The following SMARCC2 variants were observed in gnomAD, a reference collection of about 807,000 sequenced individuals.
SMARCC2 encodes the protein SWI/SNF related BAF chromatin remodeling complex subunit C2, also known as SWI/SNF complex subunit SMARCC2.
SMARCC2 carries 15 observed loss-of-function variants against 151.3 expected under a neutral mutation model. The observed-to-expected ratio is 0.10, with a 90% CI of 0.07 to 0.15. The LOEUF (loss-of-function observed/expected upper bound fraction) is 0.15. Among genes scored for constraint, SMARCC2 ranks in the 10% least tolerant of loss-of-function variants. The pLI is 1.00. For synonymous variants in SMARCC2, 590 were observed against 609.5 expected (o/e 0.97, Z 0.47); for missense variants, 1,031 against 1,599.7 (o/e 0.64, Z 6.06).
At chr12:56,180,282 TG>T (rs1422292383) in intron 11 of SMARCC2, among the ~76,000 whole-genome samples, 1 of 151,230 alleles carries the variant, frequency 6.6e-6, no homozygotes, top group Non-Finnish European at 1.5e-5. Context: ...CTAATTTTTT[TG>T]TATTTTTGGT....
At position 56,186,672 on chromosome 12, in the gene SMARCC2, C is replaced by G. The variant is rs945417163; in HGVS notation, c.232-432G>C. 3.0e-5 allele frequency: 6 copies of G among 203,326 alleles called. No individual in the cohort carries two copies. In the Admixed American group the frequency reaches 3.2e-4, roughly 11 times the overall value. The allele number at this position is 203,326 out of a possible 1,614,324, so 12.6% of individuals were successfully genotyped here. A position where few individuals can be genotyped will look rare whatever the true frequency, so the allele number is the denominator to read the frequency against. ...GCCTCAAAGCTGAAATTCTTTAACC[C>G]TTGTGCCATTGCATCATGTGGCCTG... On this transcript the variant is annotated intron_variant, in intron 2 of 28. Transcript: ENST00000550164.
At chr12:56,178,662 G>A in intron 13 of SMARCC2, 128 bp from the exon 14 acceptor site, 1 of 1,460,046 alleles carries the variant, frequency 6.8e-7, no homozygotes, top group Non-Finnish European at 9.6e-7. Context: ...ATGGGCCCCA[G>A]GACTCTGAAA....
Position 56,181,120 on chromosome 12 carries a change from G to T in SMARCC2, c.957-19C>A, listed in dbSNP as rs1876115044. ...TGAGGGACTGGGAAGGAAAGAGAGT[G>T]AAAGAGAACCCAGTCATCCTTGGAC... On this transcript the variant is annotated intron_variant, in intron 10 of 28. Coordinates refer to ENST00000550164, the MANE Select transcript of SMARCC2 (RefSeq NM_001330288.2). 1 of 1,604,582 alleles carries T rather than the reference G, an allele frequency of 6.2e-7. No individual in the cohort carries two copies. The highest frequency in any genetic ancestry group is 8.5e-7 in the Non-Finnish European group (1 of 1,176,478).
intron 1 of SMARCC2, among the ~76,000 whole-genome samples, chr12:56,188,684 G>A (rs1233418832): frequency 6.6e-6 from 1 of 152,194 alleles, no homozygotes; most frequent in African/African-American, 2.4e-5. Flanking sequence ...AAGCTAGGTT[G>A]CAAGGTGACT....
Position 56,178,513 on chromosome 12 carries a change from C to A in SMARCC2, c.1201G>T (p.Gly401Trp). ...TGKDEDENST[G>W]NKGEQTKNPD... is the part of the protein sequence containing the mutation. ...TTCTTGGTCTGCTCTCCCTTGTTCC[C>A]CGTACTGTTCTCATCCTCATCCTAC... The change falls in exon 14 of 29, where the codon GGG becomes TGG. Residue 401 changes from glycine to tryptophan, a missense_variant. This residue lies in a region of SMARCC2 where 127 missense variants were observed against 141.7 expected (regional missense o/e 0.90). Transcript: ENST00000550164. The A allele has an allele frequency of 6.2e-7, 1 of 1,614,188 alleles. No homozygotes were observed. Among genetic ancestry groups the A allele is most frequent in the East Asian group, 2.2e-5 (1 of 44,890 alleles).
chr12:56,169,375 A>C (rs1287063306), intron 25 of SMARCC2, among the ~76,000 whole-genome samples, 154 bp downstream of exon 25: 1 of 152,240 alleles, frequency 6.6e-6, no homozygotes, highest in Non-Finnish European at 1.5e-5. Context: ...AGCTTAGAGA[A>C]GGGATGACTA....
chr12:56,173,892 A>C, intron 16 of SMARCC2, 43 bp from the exon 17 acceptor site: 1 of 1,574,006 alleles, frequency 6.4e-7, no homozygotes. Context: ...GGATAGCCAG[A>C]AAGGTGCACG....
intron 26 of SMARCC2, 105 bp downstream of exon 26, chr12:56,167,955 C>A (rs1279523925): frequency 1.2e-4 from 29 of 246,034 alleles, no homozygotes; most frequent in Non-Finnish European, 1.8e-4. Flanking sequence ...CACTGAAACA[C>A]ACACACACAC....
At chr12:56,172,291 A>G (rs1227514650) in intron 20 of SMARCC2, 137 bp downstream of exon 20, 6 of 748,998 alleles carry the variant, frequency 8.0e-6, no homozygotes, top group Non-Finnish European at 6.3e-6. Context: ...TATGTTGCCC[A>G]GGTTCATCTC....
In SMARCC2 at chr12:56,165,688, C is replaced by G; in HGVS notation, c.2862G>C (p.Gln954His). The G allele has an allele frequency of 6.2e-7, 1 of 1,610,320 alleles. No homozygotes were observed. Among genetic ancestry groups the G allele is most frequent in the Non-Finnish European group, 8.5e-7 (1 of 1,180,014 alleles). Residue 954 changes from glutamine to histidine, a missense_variant, in exon 27 of 29, where the codon CAG becomes CAC. This residue lies in a region of SMARCC2 where 49 missense variants were observed against 134.8 expected (regional missense o/e 0.36). Coordinates refer to ENST00000550164, the MANE Select transcript of SMARCC2 (RefSeq NM_001330288.2). ...GTCTGTCGGCCAGGAGCTGCTGCCTCTGATACTCCAGCTGCCAGTGCCAAT... is the reference window on the plus strand; with the variant it reads ...GTCTGTCGGCCAGGAGCTGCTGCCTGTGATACTCCAGCTGCCAGTGCCAAT... Reference protein sequence around the residue: ...MDREREALEYQRQQLLADRQA... With the variant: ...MDREREALEYHRQQLLADRQA...
At chr12:56,167,503 C>T (rs777373996) in intron 26 of SMARCC2, among the ~76,000 whole-genome samples, 5 of 152,104 alleles carry the variant, frequency 3.3e-5, no homozygotes, top group African/African-American at 1.2e-4. Context: ...GTGCCCAGTC[C>T]CTATTGTCTA....
intron 13 of SMARCC2, 119 bp from the exon 14 acceptor site, chr12:56,178,653 T>A: frequency 6.6e-7 from 1 of 1,505,934 alleles, no homozygotes; most frequent in Non-Finnish European, 9.2e-7. Flanking sequence ...TGAGCAGTCA[T>A]GGGCCCCAGG....
At chr12:56,184,347 T>C in intron 5 of SMARCC2, 103 bp from the exon 6 acceptor site, 1 of 775,980 alleles carries the variant, frequency 1.3e-6, no homozygotes, top group Non-Finnish European at 2.2e-6. Context: ...TATAATAGTA[T>C]TAAAGTTAGT....
chr12:56,165,463 A>C lies in SMARCC2; in HGVS notation c.3087T>G (p.Ala1029=). 6.5e-7 allele frequency: 1 copy of C among 1,541,502 alleles called. No individual in the cohort carries two copies. Among genetic ancestry groups the C allele is most frequent in the South Asian group, 1.3e-5 (1 of 79,908 alleles). The change falls in exon 27 of 29, where the codon GCT becomes GCG. Residue 1029 remains alanine, a synonymous_variant. Coordinates refer to ENST00000550164, the MANE Select transcript of SMARCC2 (RefSeq NM_001330288.2). The part of the protein sequence containing the change: ...VAPASVVPAP[A]GSGAPPGSLG... The stretch of plus-strand genomic sequence containing the variant: ...AACTTCCTGGAGGGGCCCCACTGCC[A>C]GCAGGAGCAGGGACTACAGAGGCTG...
intron 11 of SMARCC2, 54 bp downstream of exon 11, chr12:56,180,923 G>C (rs560714605): frequency 3.2e-6 from 5 of 1,564,642 alleles, no homozygotes; most frequent in East Asian, 2.3e-5. Flanking sequence ...TTTGGCAAAG[G>C]AGAGTCAAGA....
intron 1 of SMARCC2, 84 bp downstream of exon 1, chr12:56,189,267 G>A: frequency 1.3e-6 from 1 of 771,150 alleles, no homozygotes; most frequent in Non-Finnish European, 1.9e-6. Flanking sequence ...GGCGCCTGGA[G>A]GGTAGGCAGG....
rs1872003174 is a variant in SMARCC2 at position 56,162,459 on chromosome 12, G to A, written c.*1230C>T. On this transcript the variant is annotated 3_prime_UTR_variant, in exon 29 of 29. Transcript: ENST00000550164. ...TTGAACAGAAGAAAGGTGCTAAGAC[G>A]CAGAGGGAGAGAAACATGGGGACAT... 1.7e-6 allele frequency: 1 copy of A among 593,222 alleles called. No homozygotes were observed. Among genetic ancestry groups the A allele is most frequent in the Non-Finnish European group, 2.9e-6 (1 of 339,266 alleles). The allele number at this position is 593,222 out of a possible 1,614,324, so 36.7% of individuals were successfully genotyped here.
At chr12:56,164,227 TC>T in intron 28 of SMARCC2, 75 bp downstream of exon 28, 3 of 1,362,874 alleles carry the variant, frequency 2.2e-6, no homozygotes, top group Non-Finnish European at 3.1e-6. Context: ...CCTGACCTCT[TC>T]CCCACCTGCC....
At position 56,186,260 on chromosome 12, in the gene SMARCC2, A is replaced by G. The variant is rs764009637; in HGVS notation, c.232-20T>C. On this transcript the variant is annotated intron_variant, in intron 2 of 28. Coordinates refer to ENST00000550164, the MANE Select transcript of SMARCC2 (RefSeq NM_001330288.2). ...TTTGATCTACAAAATCAAGATACGG[A>G]AAAAGCATGTCAAGGTTCCACTGTA... 11 of 1,480,372 alleles carry G rather than the reference A, an allele frequency of 7.4e-6. No individual in the cohort carries two copies. The highest frequency in any genetic ancestry group is 1.0e-5 in the Non-Finnish European group (11 of 1,058,730). 91.7% of individuals were successfully genotyped at this position (1,480,372 alleles called of 1,614,324 possible).
Sources: gnomAD v4.1 joint callset for allele counts (sites outside exome capture counted in the v4.1 genomes callset) on GRCh38, gnomAD v4.1.1 for gene constraint, gnomAD v4.1.1 regional missense constraint, MANE v1.5 for transcripts, NCBI Gene and HGNC (gene_info 2026-07-23, HGNC 2026-07-21) for gene names.